Variants in OASL observed in about 807,000 individuals in gnomAD.
The protein encoded by OASL is 2'-5'-oligoadenylate synthase-like protein.
A neutral mutation model predicts 35.3 loss-of-function variants in OASL; 28 were observed. The observed-to-expected ratio is 0.79, with a 90% CI of 0.59 to 1.09. The LOEUF (loss-of-function observed/expected upper bound fraction) is 1.09, where lower values mean the gene tolerates loss of function less well. Ranked by LOEUF, OASL falls within the 50% of genes least tolerant of loss-of-function variation. The pLI is 0.00. For synonymous variants in OASL, 252 were observed against 254.6 expected, an observed-to-expected ratio of 0.99 and a Z score of 0.10; for missense variants, 620 against 635.2, an observed-to-expected ratio of 0.98 and a Z score of 0.26.
chr12:121,034,514 G>T (rs1301383762), intron 1 of OASL, among the ~76,000 whole-genome samples: 2 of 152,142 alleles, frequency 1.3e-5, no homozygotes, highest in African/African-American at 4.8e-5. Flanking sequence ...CAGAGGAATG[G>T]TAGCATCTAC....
intron 3 of OASL, among the ~76,000 whole-genome samples, chr12:121,028,807 G>A (rs1046254395): frequency 4.6e-5 from 7 of 152,102 alleles, no homozygotes; most frequent in East Asian, 1.9e-4. Context: ...CCTCCCGCCC[G>A]TAATCCCAGC....
At chr12:121,037,480 T>C (rs79699625) in intron 1 of OASL, among the ~76,000 whole-genome samples, 6,466 of 152,126 alleles carry the variant, frequency 0.043, 441 homozygotes, top group African/African-American at 0.15. Context: ...TGAGCCTCCA[T>C]TAAAAAATCA....
At chr12:121,027,252 C>T (rs1335889976) in intron 4 of OASL, among the ~76,000 whole-genome samples, 1 of 152,164 alleles carries the variant, frequency 6.6e-6, no homozygotes, top group African/African-American at 2.4e-5. Flanking sequence ...GGGATTTAAA[C>T]TTGAGTCTCC....
At chr12:121,024,733 G>C (rs1288470009) in intron 4 of OASL, among the ~76,000 whole-genome samples, 2 of 152,068 alleles carry the variant, frequency 1.3e-5, no homozygotes, top group African/African-American at 2.4e-5. Flanking sequence ...TTTCAGGCAG[G>C]GGGGGCCCTG....
At chr12:121,020,286 A>G (rs905456126) in exon 6 of OASL, 3 of 330,268 alleles carry the variant, frequency 9.1e-6, no homozygotes, top group African/African-American at 6.4e-5. Context: ...AATGTGCACA[A>G]CCACACCCAG....
chr12:121,023,353 A>G (rs1869333223), intron 5 of OASL, among the ~76,000 whole-genome samples: 1 of 145,512 alleles, frequency 6.9e-6, no homozygotes, highest in East Asian at 2.0e-4. Flanking sequence ...CAATGGCACG[A>G]TCTCAGCTCA....
chr12:121,027,171 G>A (rs958992974), intron 4 of OASL, among the ~76,000 whole-genome samples: 1 of 152,134 alleles, frequency 6.6e-6, no homozygotes, highest in African/African-American at 2.4e-5. Context: ...ATCCTATGTC[G>A]TAGGTTCCAG....
At chr12:121,030,417 G>A (rs979870352) in intron 3 of OASL, among the ~76,000 whole-genome samples, 1 of 151,982 alleles carries the variant, frequency 6.6e-6, no homozygotes, top group African/African-American at 2.4e-5. Flanking sequence ...TGTTAGCCAG[G>A]ATGGTCTCGA....
At chr12:121,039,217 A>G in exon 1 of OASL, 1 of 532,818 alleles carries the variant, frequency 1.9e-6, no homozygotes, top group Non-Finnish European at 3.4e-6. Context: ...ATCTGGGGCC[A>G]CCTTAACAGG....
chr12:121,035,437 A>C (rs1488053283), intron 1 of OASL, among the ~76,000 whole-genome samples: 2 of 152,024 alleles, frequency 1.3e-5, no homozygotes, highest in Non-Finnish European at 2.9e-5. Context: ...AGGCAGGAGA[A>C]TCGCTTGAAC....
intron 4 of OASL, among the ~76,000 whole-genome samples, chr12:121,025,490 C>T (rs189937832): frequency 1.3e-5 from 2 of 152,058 alleles, no homozygotes; most frequent in Non-Finnish European, 1.5e-5. Flanking sequence ...TTGAGTGGGG[C>T]GCAGTGGCTC....
At chr12:121,029,037 C>T (rs1869619392) in intron 3 of OASL, among the ~76,000 whole-genome samples, 1 of 138,666 alleles carries the variant, frequency 7.2e-6, no homozygotes, top group African/African-American at 2.7e-5. Flanking sequence ...TGCACTCCAG[C>T]CTGGGCAAGA....
At chr12:121,035,408 C>T (rs961971139) in intron 1 of OASL, among the ~76,000 whole-genome samples, 4 of 151,870 alleles carry the variant, frequency 2.6e-5, no homozygotes, top group Admixed American at 2.0e-4. Flanking sequence ...ACCTGTAATC[C>T]GAGCTACTGG....
intron 3 of OASL, among the ~76,000 whole-genome samples, chr12:121,029,558 G>C (rs902900904): frequency 2.0e-5 from 3 of 152,022 alleles, no homozygotes; most frequent in Admixed American, 1.3e-4. Flanking sequence ...CATGGTGGCG[G>C]GCACCTGTAG....
rs141918407 is a variant in OASL, at chr12:121,026,190, CAG to C, written c.899+1384_899+1385del. 6.0e-3 allele frequency among the ~76,000 whole-genome samples: 917 copies of C among 152,084 alleles called. 5 individuals carry two copies. Among genetic ancestry groups the C allele is most frequent in the African/African-American group, 0.021 (866 of 41,492 alleles). On this transcript the variant is annotated intron_variant, in intron 4 of 5. Transcript: ENST00000257570. ...TGCTGTAGTTCATGAGAGAGAGTGA[CAG>C]AGAGAGAGAGGGAGTCTCAGGTCCT...
intron 2 of OASL, 21 bp downstream of exon 2, chr12:121,033,440 G>A: frequency 1.2e-6 from 2 of 1,600,782 alleles, no homozygotes; most frequent in Non-Finnish European, 1.7e-6. Flanking sequence ...TGTGAGTCGG[G>A]TGAGCTTCCC....
intron 5 of OASL, among the ~76,000 whole-genome samples, chr12:121,022,191 A>T (rs1869270495): frequency 6.7e-6 from 1 of 148,392 alleles, no homozygotes; most frequent in South Asian, 2.1e-4. Context: ...GGTTCAAGCG[A>T]TTCTCCTGCC....
At chr12:121,033,619 A>G (rs1331459101) in exon 2 of OASL, 4 of 1,614,170 alleles carry the variant, frequency 2.5e-6, no homozygotes, top group Non-Finnish European at 2.5e-6. Flanking sequence ...GGTTTTCCAT[A>G]TCAGCCTCAG....
At chr12:121,034,625 A>T (rs1413144894) in intron 1 of OASL, among the ~76,000 whole-genome samples, 1 of 152,126 alleles carries the variant, frequency 6.6e-6, no homozygotes, top group East Asian at 1.9e-4. Context: ...TTTAAGAGCC[A>T]TAGGCTGTGA....
Sources: gnomAD v4.1 joint callset for allele counts (sites outside exome capture counted in the v4.1 genomes callset) on GRCh38, gnomAD v4.1.1 for gene constraint, MANE v1.5 for transcripts, NCBI Gene and HGNC (gene_info 2026-07-23, HGNC 2026-07-21) for gene names.